FLRT1: variants seen among roughly 807,000 people sequenced by gnomAD.
FLRT1 encodes leucine-rich repeat transmembrane protein FLRT1.
FLRT1 carries 14 observed loss-of-function variants against 30.9 expected under a neutral mutation model. That is an observed-to-expected ratio of 0.45 (90% CI 0.30 to 0.71). The LOEUF (loss-of-function observed/expected upper bound fraction) is 0.71. Among genes scored for constraint, FLRT1 ranks in the 30% least tolerant of loss-of-function variants. The pLI is 0.08. For synonymous variants in FLRT1, 368 were observed against 430.4 expected, an observed-to-expected ratio of 0.85 and a Z score of 1.80; for missense variants, 737 against 949.2, an observed-to-expected ratio of 0.78 and a Z score of 2.94.
At position 64,067,722 on chromosome 11, in the gene FLRT1, G is replaced by A. The variant is rs554336202; in HGVS notation, c.-1038+31563G>A. On this transcript the variant is annotated intron_variant, in intron 1 of 2. Transcript: ENST00000682287. This position sits in a 1 kb window ranked among gnomAD's most constrained non-coding sequence, Gnocchi z 4.6. Reference sequence around the variant, plus strand: ...CAGTGATTGCGGACACGCCCCTCGCGAGGCACCGCAGGCTGCCACCCCCAG... The same window carrying A: ...CAGTGATTGCGGACACGCCCCTCGCAAGGCACCGCAGGCTGCCACCCCCAG... Among the ~76,000 whole-genome samples the A allele has an allele frequency of 1.6e-4, 24 of 152,152 alleles. No homozygotes were observed. Among genetic ancestry groups the A allele is most frequent in the Non-Finnish European group, 3.5e-4 (24 of 68,026 alleles).
rs1423513695 is a variant in FLRT1 at position 64,090,326 on chromosome 11, G to A, written c.-1037-12868G>A. Among the ~76,000 whole-genome samples the A allele has an allele frequency of 2.0e-5, 3 of 152,314 alleles. No individual in the cohort carries two copies. The highest frequency in any genetic ancestry group is 1.9e-4 in the East Asian group (1 of 5,184). The stretch of plus-strand genomic sequence containing the variant: ...GTCTAATAGTCAGCAGTTATTTATC[G>A]TCTCGTTTCTTAGTGGGTAGGAAAG... On this transcript the variant is annotated intron_variant, in intron 1 of 2. Transcript: ENST00000682287. The surrounding 1 kb of genome is among the most constrained non-coding windows in gnomAD (Gnocchi z 4.7).
intron 2 of FLRT1, among the ~76,000 whole-genome samples, chr11:64,113,941 T>G (rs1006562764): frequency 4.8e-5 from 7 of 145,394 alleles, no homozygotes; most frequent in Non-Finnish European, 7.5e-5. Context: ...GATGCACGGA[T>G]GGATGGATGG....
chr11:64,113,473 C>T (rs1944898832), intron 2 of FLRT1, among the ~76,000 whole-genome samples: 3 of 115,486 alleles, frequency 2.6e-5, no homozygotes, highest in Non-Finnish European at 5.3e-5. Context: ...TGGATTGATG[C>T]ATATATGGAT....
chr11:64,104,255 C>G (rs1944719942), intron 2 of FLRT1, 74 bp downstream of exon 2: 1 of 152,280 alleles, frequency 6.6e-6, no homozygotes, highest in Non-Finnish European at 1.5e-5. Flanking sequence ...TTCCTCGCAC[C>G]CAGACAGCTG....
intron 1 of FLRT1, among the ~76,000 whole-genome samples, chr11:64,040,164 T>C (rs1046745056): frequency 6.6e-6 from 1 of 152,136 alleles, no homozygotes; most frequent in African/African-American, 2.4e-5. Context: ...CAGTCAGATG[T>C]GGTGTCAGAC....
At position 64,092,683 on chromosome 11, in the gene FLRT1, C is replaced by G. The variant is rs150348217; in HGVS notation, c.-1037-10511C>G. ...AGCTGGGTACCAGGGAGGCACAGGGCAGGGACAGGCCTATCCTCACCACTG... is the reference window on the plus strand; with the variant it reads ...AGCTGGGTACCAGGGAGGCACAGGGGAGGGACAGGCCTATCCTCACCACTG... On this transcript the variant is annotated intron_variant, in intron 1 of 2. Coordinates refer to ENST00000682287, the MANE Select transcript of FLRT1 (RefSeq NM_013280.5). Among the ~76,000 whole-genome samples, 327 of 152,336 alleles carry G rather than the reference C, an allele frequency of 2.1e-3. 1 individual carries two copies. Among genetic ancestry groups the G allele is most frequent in the African/African-American group, 7.6e-3 (315 of 41,572 alleles).
chr11:64,037,106 A>G (rs1183177786), intron 1 of FLRT1, among the ~76,000 whole-genome samples: 2 of 152,072 alleles, frequency 1.3e-5, no homozygotes, highest in South Asian at 2.1e-4. Context: ...CCCAAGCCAG[A>G]GCTCTGATGT....
In FLRT1 at chr11:64,036,760, C is replaced by T. The variant is rs914933027; in HGVS notation, c.-1038+601C>T. Among the ~76,000 whole-genome samples the T allele has an allele frequency of 6.6e-6, 1 of 152,330 alleles. No individual in the cohort carries two copies. The highest frequency in any genetic ancestry group is 1.9e-4 in the East Asian group (1 of 5,174). Reference sequence around the variant, plus strand: ...GCCGGGCGGGGGCTGGGGCCGTACACCTGGCGGCTGGAACGGTGAGACCAT... The same window carrying T: ...GCCGGGCGGGGGCTGGGGCCGTACATCTGGCGGCTGGAACGGTGAGACCAT... On this transcript the variant is annotated intron_variant, in intron 1 of 2. Coordinates refer to ENST00000682287, the MANE Select transcript of FLRT1 (RefSeq NM_013280.5). This position sits in a 1 kb window ranked among gnomAD's most constrained non-coding sequence, Gnocchi z 5.6.
At chr11:64,101,319 G>A (rs562644863) in intron 1 of FLRT1, among the ~76,000 whole-genome samples, 16 of 152,242 alleles carry the variant, frequency 1.1e-4, no homozygotes, top group South Asian at 6.2e-4. Context: ...GCTATGGGAC[G>A]CTCTCAGGAT....
intron 1 of FLRT1, among the ~76,000 whole-genome samples, chr11:64,069,652 G>A (rs911867510): frequency 6.6e-6 from 1 of 152,142 alleles, no homozygotes; most frequent in African/African-American, 2.4e-5. Flanking sequence ...TGGGCATGGG[G>A]AGGCAGCCCC....
intron 1 of FLRT1, among the ~76,000 whole-genome samples, chr11:64,068,165 G>A (rs1228862161): frequency 1.3e-5 from 2 of 152,236 alleles, no homozygotes. Context: ...CAAATTGGCA[G>A]GACTCACGCT....
At chr11:64,113,502 ATGGATGGATAAT>A (rs1944899799) in intron 2 of FLRT1, among the ~76,000 whole-genome samples, 2 of 148,442 alleles carry the variant, frequency 1.3e-5, no homozygotes, top group South Asian at 4.3e-4. Flanking sequence ...GGATGGTTGG[ATGGATGGATAAT>A]TGGATGGATG....
At chr11:64,089,562 G>A (rs540517418) in intron 1 of FLRT1, among the ~76,000 whole-genome samples, 1 of 152,212 alleles carries the variant, frequency 6.6e-6, no homozygotes, top group Non-Finnish European at 1.5e-5. Flanking sequence ...CTGCCGGGTC[G>A]GCAGCCACGG....
Position 64,117,028 on chromosome 11 carries a change from C to T in FLRT1, c.761C>T (p.Ser254Leu), listed in dbSNP as rs1372497918. Residue 254 changes from serine to leucine, a missense_variant, in exon 3 of 3, where the codon TCG becomes TTG. Ser to Leu is a moderately radical substitution (Grantham distance 145). Coordinates refer to ENST00000682287, the MANE Select transcript of FLRT1 (RefSeq NM_013280.5). ...CGCCTACAGAACCTCACAGAGCTCT[C>T]GCTGGTGCGCAATTCGCTGGCCGCG... is the stretch of plus-strand genomic sequence containing the variant. ...FSRLQNLTEL[S>L]LVRNSLAAPP... The T allele has an allele frequency of 8.1e-6, 13 of 1,611,138 alleles. No individual in the cohort carries two copies. The African/African-American group carries it at 9.4e-5, about 12-fold the overall frequency.
chr11:64,095,088 A>G (rs1429385983), intron 1 of FLRT1, among the ~76,000 whole-genome samples: 1 of 152,172 alleles, frequency 6.6e-6, no homozygotes, highest in Non-Finnish European at 1.5e-5. Flanking sequence ...AAAATATACA[A>G]TGAGAGGCAC....
intron 1 of FLRT1, among the ~76,000 whole-genome samples, chr11:64,070,372 A>C (rs1385717974): frequency 6.6e-6 from 1 of 151,968 alleles, no homozygotes; most frequent in African/African-American, 2.4e-5. Flanking sequence ...GGCCCTTCTG[A>C]GCTTGAGCTT....
chr11:64,086,983 C>T (rs559932514), intron 1 of FLRT1: 9 of 152,234 alleles, frequency 5.9e-5, no homozygotes, highest in African/African-American at 1.9e-4. Context: ...GAGATGACCC[C>T]TCCCCGGCCT....
At chr11:64,085,384 G>A (rs1408985487) in intron 1 of FLRT1, among the ~76,000 whole-genome samples, 2 of 152,220 alleles carry the variant, frequency 1.3e-5, no homozygotes, top group Non-Finnish European at 1.5e-5. Context: ...CTCTGGGGGC[G>A]GCGGGCTGCC....
intron 1 of FLRT1, among the ~76,000 whole-genome samples, chr11:64,075,969 C>T (rs1028137967): frequency 9.2e-5 from 14 of 152,346 alleles, no homozygotes; most frequent in Admixed American, 7.8e-4. Flanking sequence ...CCACTGTGCC[C>T]GGCCTGGCCC....
Sources: allele counts gnomAD v4.1 joint callset (sites outside exome capture counted in the v4.1 genomes callset), GRCh38; gene constraint gnomAD v4.1.1; non-coding constraint Gnocchi (gnomAD v3.1); transcripts MANE v1.5; gene names NCBI Gene and HGNC (gene_info 2026-07-23, HGNC 2026-07-21).